The following IL21R variants were observed in gnomAD, a reference collection of about 807,000 sequenced individuals.
IL21R encodes interleukin-21 receptor.
A neutral mutation model predicts 41.3 loss-of-function variants in IL21R; 14 were observed. The observed-to-expected ratio is 0.34, with a 90% confidence interval of 0.22 to 0.53. The LOEUF is 0.53. Among genes scored for constraint, IL21R ranks in the 20% least tolerant of loss-of-function variants. The probability of loss-of-function intolerance (pLI) is 0.94; values close to 1 mark genes in which losing one functional copy is unlikely to be tolerated. For synonymous variants in IL21R, 286 were observed against 287.6 expected (o/e 0.99, Z 0.05); for missense variants, 588 against 681.6 (o/e 0.86, Z 1.53).
Position 27,448,961 on chromosome 16 carries a change from C to T in IL21R, c.1295C>T (p.Ser432Leu). The T allele has an allele frequency of 6.2e-7, 1 of 1,613,250 alleles. No individual in the cohort carries two copies. Among genetic ancestry groups the T allele is most frequent in the East Asian group, 2.2e-5 (1 of 44,878 alleles). Residue 432 changes from serine to leucine, a missense_variant, in exon 9 of 9, where the codon TCA (serine) becomes TTA (leucine). Transcript: ENST00000337929. ...ACAGTCCTGTCCTGTGGCTGTGTCT[C>T]AGCTGGCAGCCCTGGGCTAGGAGGG... is the stretch of plus-strand genomic sequence containing the variant. ...GTTVLSCGCV[S>L]AGSPGLGGPL...
intron 2 of IL21R, 26 bp from the exon 3 acceptor site, chr16:27,434,321 G>A (rs1290259606): frequency 6.8e-7 from 1 of 1,476,654 alleles, no homozygotes; most frequent in Non-Finnish European, 9.5e-7. Flanking sequence ...CCCCCACCAA[G>A]GCCTCTCTCC....
intron 3 of IL21R, among the ~76,000 whole-genome samples, chr16:27,435,504 A>C (rs946367516): frequency 1.3e-5 from 2 of 151,688 alleles, no homozygotes; most frequent in Non-Finnish European, 2.9e-5. Flanking sequence ...CCCAGGCTGG[A>C]GTGCAGTGGT....
Position 27,417,003 on chromosome 16 carries a change from T to A in IL21R, c.-16-13053T>A, listed in dbSNP as rs1002660808. Among the ~76,000 whole-genome samples the A allele has an allele frequency of 5.9e-5, 9 of 152,352 alleles. No individual in the cohort carries two copies. In the South Asian group the frequency reaches 1.9e-3, roughly 32 times the overall value. ...ATTCTACTGCATGGATATACTACAT[T>A]TCTTTATCCATTCACCAGTCGATAG... On this transcript the variant is annotated intron_variant, in intron 1 of 8. Transcript: ENST00000337929.
Position 27,446,067 on chromosome 16 carries a change from G to T in IL21R, c.846G>T (p.Lys282Asn). The change falls in exon 8 of 9, where the codon AAG becomes AAT. Residue 282 changes from lysine (K) to asparagine (N), a missense_variant. Physicochemically the swap from Lys to Asn is moderately conservative, Grantham distance 94 (BLOSUM62 0). Transcript: ENST00000337929. ...SPERFFMPLY[K>N]GCSGDFKKWV... is the part of the protein sequence containing the mutation. ...AGCGGTTCTTCATGCCCCTGTACAAGGGCTGCAGCGGAGACTTCAAGGTGA... is the reference window on the plus strand; with the variant it reads ...AGCGGTTCTTCATGCCCCTGTACAATGGCTGCAGCGGAGACTTCAAGGTGA... 1 of 1,613,628 alleles carries T rather than the reference G, an allele frequency of 6.2e-7. No homozygotes were observed. The highest frequency in any genetic ancestry group is 8.5e-7 in the Non-Finnish European group (1 of 1,179,824).
intron 1 of IL21R, among the ~76,000 whole-genome samples, chr16:27,418,598 C>G (rs866823241): frequency 1.2e-4 from 18 of 152,268 alleles, no homozygotes; most frequent in African/African-American, 4.3e-4. Context: ...TCTTGATCAC[C>G]TGACCTCGTG....
intron 5 of IL21R, 126 bp downstream of exon 5, chr16:27,443,242 C>G (rs1452510164): frequency 1.3e-6 from 1 of 753,970 alleles, no homozygotes. Context: ...ACCAAGGGCA[C>G]GAGCACTCCC....
At chr16:27,440,248 T>TATATATATATATATATATAGAG (rs1352160946) in intron 4 of IL21R, among the ~76,000 whole-genome samples, 19 of 64,032 alleles carry the variant, frequency 3.0e-4, no homozygotes, top group Non-Finnish European at 3.7e-4. Flanking sequence ...TATATATATA[T>TATATATATATATATATATAGAG]AGAGAGAGAG....
intron 4 of IL21R, among the ~76,000 whole-genome samples, chr16:27,438,620 C>A (rs2087316193): frequency 6.6e-6 from 1 of 152,180 alleles, no homozygotes; most frequent in Admixed American, 6.5e-5. Flanking sequence ...CTAATCCCAG[C>A]ACTTTGGGAA....
chr16:27,427,178 A>G (rs1050880379), intron 1 of IL21R: 1 of 355,536 alleles, frequency 2.8e-6, no homozygotes, highest in Non-Finnish European at 3.9e-6. Flanking sequence ...GGTCAGACAG[A>G]TGGGGTGTTT....
intron 1 of IL21R, among the ~76,000 whole-genome samples, chr16:27,421,276 T>C (rs1410062751): frequency 6.7e-6 from 1 of 149,440 alleles, no homozygotes; most frequent in African/African-American, 2.5e-5. Flanking sequence ...AAAACCTTTT[T>C]GGCTATTCTA....
intron 1 of IL21R, among the ~76,000 whole-genome samples, chr16:27,404,167 C>A (rs1213486436): frequency 6.6e-6 from 1 of 152,180 alleles, no homozygotes; most frequent in East Asian, 1.9e-4. Context: ...TGCTCCCCAC[C>A]GTGGGCTCAG....
chr16:27,425,657 GC>G (rs1200268859), intron 1 of IL21R, among the ~76,000 whole-genome samples: 1 of 151,892 alleles, frequency 6.6e-6, no homozygotes, highest in Non-Finnish European at 1.5e-5. Flanking sequence ...CTGGGTTCAA[GC>G]AATTCTCCTG....
intron 7 of IL21R, 121 bp from the exon 8 acceptor site, chr16:27,445,886 G>C: frequency 1.6e-6 from 1 of 637,250 alleles, no homozygotes; most frequent in Non-Finnish European, 2.6e-6. Flanking sequence ...GGAGGGAGGC[G>C]CCTGGGCTGA....
intron 1 of IL21R, among the ~76,000 whole-genome samples, chr16:27,404,007 G>A (rs1051884234): frequency 5.9e-5 from 9 of 152,244 alleles, no homozygotes; most frequent in African/African-American, 2.2e-4. Context: ...ATGCCAGTCT[G>A]TAGGACAAGG....
At position 27,437,751 on chromosome 16, in the gene IL21R, T is replaced by A; in HGVS notation, c.352+64T>A. ...ATCTTAGCTCACCGCAGCCCTGACC[T>A]CTCTGGGCTCAGGTGATCCTCCCAC... is the stretch of plus-strand genomic sequence containing the variant. On this transcript the variant is annotated intron_variant, in intron 4 of 8. Coordinates refer to ENST00000337929, the MANE Select transcript of IL21R (RefSeq NM_181078.3). The A allele has an allele frequency of 2.2e-6, 3 of 1,335,320 alleles. No individual in the cohort carries two copies. In the South Asian group the frequency reaches 3.6e-5, roughly 16 times the overall value. 82.7% of individuals were successfully genotyped at this position (1,335,320 alleles called of 1,614,324 possible). A position where few individuals can be genotyped will look rare whatever the true frequency, so the allele number is the denominator to read the frequency against.
chr16:27,427,300 C>T lies in IL21R; in HGVS notation c.-16-2756C>T, dbSNP rs917033157. 7 of 985,534 alleles carry T rather than the reference C, an allele frequency of 7.1e-6. No homozygotes were observed. The South Asian group carries it at 2.3e-4, about 33-fold the overall frequency. 61.0% of individuals were successfully genotyped at this position (985,534 alleles called of 1,614,324 possible). A position where few individuals can be genotyped will look rare whatever the true frequency, so the allele number is the denominator to read the frequency against. On this transcript the variant is annotated intron_variant, in intron 1 of 8. Coordinates refer to ENST00000337929, the MANE Select transcript of IL21R (RefSeq NM_181078.3). ...AGAGGAGCTCTTTGGGAAGAGACGC[C>T]GGGCAGGCAGAAGCAGCAGGTACCC... is the stretch of plus-strand genomic sequence containing the variant.
Position 27,444,556 on chromosome 16 carries a change from G to A in IL21R, c.522G>A (p.Lys174=), listed in dbSNP as rs757517536. The change falls in exon 6 of 9, where the codon AAG becomes AAA. Residue 174 remains lysine, a synonymous_variant. Transcript: ENST00000337929. The stretch of plus-strand genomic sequence containing the variant: ...TGTACTGGCAGAGTCCGAGGAGAAA[G>A]CTGATCTCAGTGGACTCAAGAAGTG... ...GDPWAVSPRR[K]LISVDSRSVS... 14 of 1,520,954 alleles carry A rather than the reference G, an allele frequency of 9.2e-6. No individual in the cohort carries two copies. Among genetic ancestry groups the A allele is most frequent in the Non-Finnish European group, 1.2e-5 (14 of 1,134,336 alleles). 94.2% of individuals were successfully genotyped at this position (1,520,954 alleles called of 1,614,324 possible). A position where few individuals can be genotyped will look rare whatever the true frequency, so the allele number is the denominator to read the frequency against.
At chr16:27,417,427 AGT>A (rs2086907475) in intron 1 of IL21R, among the ~76,000 whole-genome samples, 2 of 152,152 alleles carry the variant, frequency 1.3e-5, no homozygotes, top group Admixed American at 1.3e-4. Context: ...TTGGCCTCCC[AGT>A]ATGCTGGGAT....
At chr16:27,440,279 A>AGAGAGAGAGC (rs1567370043) in intron 4 of IL21R, among the ~76,000 whole-genome samples, 19 of 131,884 alleles carry the variant, frequency 1.4e-4, no homozygotes, top group African/African-American at 5.0e-4. Flanking sequence ...AGAGAGAGAG[A>AGAGAGAGAGC]GCGAGCAAGC....
Sources: allele counts gnomAD v4.1 joint callset (sites outside exome capture counted in the v4.1 genomes callset), GRCh38; gene constraint gnomAD v4.1.1; transcripts MANE v1.5; gene names NCBI Gene and HGNC (gene_info 2026-07-23, HGNC 2026-07-21).